MME: variants seen among roughly 807,000 people sequenced by gnomAD.
The protein encoded by MME is membrane metalloendopeptidase.
MME carries 98 observed loss-of-function variants against 113.2 expected under a neutral mutation model. The observed-to-expected ratio is 0.87, with a 90% CI of 0.74 to 1.02. The LOEUF is 1.02. MME is among the 50% of genes least tolerant of loss of function. MME has a pLI of 0.00. For missense variants in MME, 836 were observed against 896.0 expected (o/e 0.93, Z 0.86); for synonymous variants, 292 against 300.6 (o/e 0.97, Z 0.30).
chr3:155,119,779 G>A (rs1370591900), intron 8 of MME, among the ~76,000 whole-genome samples: 3 of 139,458 alleles, frequency 2.2e-5, no homozygotes, highest in African/African-American at 8.0e-5. Context: ...ATTCCATGGT[G>A]TATATGTGCC....
chr3:155,100,319 C>A (rs1370046723), intron 3 of MME, among the ~76,000 whole-genome samples: 1 of 152,136 alleles, frequency 6.6e-6, no homozygotes, highest in African/African-American at 2.4e-5. Context: ...CATCACTGGC[C>A]ATCAGAGAAA....
intron 1 of MME, among the ~76,000 whole-genome samples, chr3:155,082,708 G>C (rs1330243851): frequency 6.6e-6 from 1 of 152,132 alleles, no homozygotes. Flanking sequence ...GTAATCAAGG[G>C]GACAGCATGT....
In MME at chr3:155,140,209, G is replaced by A. The variant is rs149431215; in HGVS notation, c.874G>A (p.Asp292Asn). The A allele has an allele frequency of 2.5e-4, 404 of 1,611,594 alleles. 3 individuals carry two copies. In the East Asian group the frequency reaches 8.1e-3, roughly 32 times the overall value. Residue 292 changes from aspartate to asparagine, a missense_variant, in exon 10 of 23, where the codon GAT (aspartate) becomes AAT (asparagine). Transcript: ENST00000360490. ...TCCATAGGCTACGGCTAAACCTGAA[G>A]ATCGAAATGATCCAATGCTTCTGTA... is the stretch of plus-strand genomic sequence containing the variant. ...EIANATAKPE[D>N]RNDPMLLYNK...
At chr3:155,093,630 G>C (rs1470738212) in intron 3 of MME, among the ~76,000 whole-genome samples, 2 of 152,134 alleles carry the variant, frequency 1.3e-5, no homozygotes, top group African/African-American at 4.8e-5. Context: ...GGCCGAGGCA[G>C]GTGGCTCACG....
chr3:155,140,547 G>T (rs1442355293), intron 10 of MME, among the ~76,000 whole-genome samples: 1 of 150,714 alleles, frequency 6.6e-6, no homozygotes, highest in Non-Finnish European at 1.5e-5. Flanking sequence ...CTCCCAAGTA[G>T]CTGGGACTAC....
At chr3:155,090,482 A>G (rs1716192765) in intron 3 of MME, 1 of 152,210 alleles carries the variant, frequency 6.6e-6, no homozygotes, top group African/African-American at 2.4e-5. Flanking sequence ...ACAATAATTA[A>G]TAAAAAATAA....
intron 1 of MME, among the ~76,000 whole-genome samples, chr3:155,041,537 G>T (rs1444677642): frequency 2.6e-5 from 4 of 152,034 alleles, no homozygotes; most frequent in Admixed American, 6.6e-5. Flanking sequence ...TTTTCCATAA[G>T]ATTAATAAAG....
chr3:155,163,728 G>T (rs186489521), intron 17 of MME, among the ~76,000 whole-genome samples: 2 of 151,786 alleles, frequency 1.3e-5, no homozygotes, highest in Non-Finnish European at 2.9e-5. Context: ...AGTCTGTGTC[G>T]ACTATAAATA....
At position 155,121,600 on chromosome 3, in the gene MME, T is replaced by A. The variant is rs1397214662; in HGVS notation, c.720+2789T>A. 2.2e-3 allele frequency among the ~76,000 whole-genome samples: 239 copies of A among 106,510 alleles called. 5 individuals carry two copies. The East Asian group carries it at 0.029, about 13-fold the overall frequency. 69.9% of individuals were successfully genotyped at this position (106,510 alleles called of 152,430 possible). A position where few individuals can be genotyped will look rare whatever the true frequency, so the allele number is the denominator to read the frequency against. On this transcript the variant is annotated intron_variant, in intron 8 of 22. Coordinates refer to ENST00000360490, the MANE Select transcript of MME (RefSeq NM_007289.4). Reference sequence around the variant, plus strand: ...TTTTGAAATACGTCCCATCAATACCTAATTTCTTGAGAGTTTTTAGCATGA... The same window carrying A: ...TTTTGAAATACGTCCCATCAATACCAAATTTCTTGAGAGTTTTTAGCATGA...
At chr3:155,179,653 A>C (rs1712888598) in intron 22 of MME, among the ~76,000 whole-genome samples, 1 of 152,062 alleles carries the variant, frequency 6.6e-6, no homozygotes, top group African/African-American at 2.4e-5. Context: ...GGGTGTGAAA[A>C]CATCACCTCT....
At chr3:155,154,196 T>C (rs559771572) in intron 16 of MME, among the ~76,000 whole-genome samples, 2 of 152,272 alleles carry the variant, frequency 1.3e-5, no homozygotes, top group East Asian at 1.9e-4. Flanking sequence ...GGTGTTTTTT[T>C]TCTAATCTGG....
intron 1 of MME, among the ~76,000 whole-genome samples, chr3:155,050,878 T>C (rs1472501457): frequency 6.6e-6 from 1 of 152,208 alleles, no homozygotes; most frequent in Non-Finnish European, 1.5e-5. Context: ...CAACTGCTTT[T>C]GGGGTCTTCA....
At chr3:155,178,851 G>T (rs765936583) in intron 22 of MME, among the ~76,000 whole-genome samples, 50 of 152,006 alleles carry the variant, frequency 3.3e-4, no homozygotes, top group Non-Finnish European at 5.9e-5. Flanking sequence ...AAGTCCATAC[G>T]TTCAGTAGAC....
chr3:155,089,388 A>T lies in MME; in HGVS notation c.196+4294A>T, dbSNP rs574765870. Among the ~76,000 whole-genome samples, 3 of 152,334 alleles carry T rather than the reference A, an allele frequency of 2.0e-5. No homozygotes were observed. The South Asian group carries it at 6.2e-4, about 32-fold the overall frequency. ...GCTTTAAATCAGGGTTTCTCAACTC[A>T]ATCACTATTGATATTTTTGTGCTAG... is the stretch of plus-strand genomic sequence containing the variant. On this transcript the variant is annotated intron_variant, in intron 3 of 22. Transcript: ENST00000360490.
rs1028175391 is a variant in MME at position 155,172,447 on chromosome 3, A to T, written c.2077-89A>T. ...GTTGAGGAATGCAGAATTCCAATTT[A>T]ATTTTTCTCCTTCCCCTCAACTTGC... On this transcript the variant is annotated intron_variant, in intron 21 of 22. Coordinates refer to ENST00000360490, the MANE Select transcript of MME (RefSeq NM_007289.4). The T allele has an allele frequency of 1.0e-5, 11 of 1,080,428 alleles. No individual in the cohort carries two copies. In the Admixed American group the frequency reaches 1.7e-4, roughly 17 times the overall value. 66.9% of individuals were successfully genotyped at this position (1,080,428 alleles called of 1,614,324 possible).
At chr3:155,083,167 G>A (rs966721010) in intron 1 of MME, among the ~76,000 whole-genome samples, 1 of 152,146 alleles carries the variant, frequency 6.6e-6, no homozygotes, top group Non-Finnish European at 1.5e-5. Flanking sequence ...CGCTTTTACT[G>A]CATGATGATA....
intron 1 of MME, among the ~76,000 whole-genome samples, chr3:155,030,364 G>C (rs1448746536): frequency 6.6e-6 from 1 of 150,798 alleles, no homozygotes; most frequent in East Asian, 2.0e-4. Flanking sequence ...ATATTTTGGA[G>C]ACCAATCTAC....
intron 16 of MME, among the ~76,000 whole-genome samples, chr3:155,154,793 A>C (rs2108339166): frequency 6.6e-6 from 1 of 152,302 alleles, no homozygotes; most frequent in South Asian, 2.1e-4. Flanking sequence ...AGCAGTGGAA[A>C]GTTGATAGTC....
chr3:155,067,295 T>A, intron 1 of MME, among the ~76,000 whole-genome samples: 1 of 145,386 alleles, frequency 6.9e-6, no homozygotes, highest in South Asian at 2.2e-4. Context: ...TTGCAATTTA[T>A]TTTCCTTTTT....
Sources: gnomAD v4.1 joint callset for allele counts (sites outside exome capture counted in the v4.1 genomes callset) on GRCh38, gnomAD v4.1.1 for gene constraint, MANE v1.5 for transcripts, NCBI Gene and HGNC (gene_info 2026-07-23, HGNC 2026-07-21) for gene names.